The following CLNK variants were observed in gnomAD, a reference collection of about 807,000 sequenced individuals.
CLNK encodes the protein cytokine dependent hematopoietic cell linker.
CLNK carries 74 observed loss-of-function variants against 68.6 expected under a neutral mutation model. The observed-to-expected ratio is 1.08, with a 90% CI of 0.89 to 1.31. The LOEUF (loss-of-function observed/expected upper bound fraction) is 1.31, where lower values mean the gene tolerates loss of function less well. CLNK is among the 50% of genes most tolerant of loss of function. CLNK has a pLI of 0.00. For missense variants in CLNK, 553 were observed against 515.3 expected, an observed-to-expected ratio of 1.07 and a Z score of -0.71; for synonymous variants, 198 against 172.2, an observed-to-expected ratio of 1.15 and a Z score of -1.17.
intron 3 of CLNK, among the ~76,000 whole-genome samples, chr4:10,597,747 G>A (rs1230775882): frequency 6.6e-6 from 1 of 152,108 alleles, no homozygotes; most frequent in East Asian, 1.9e-4. Context: ...AAGAGGCCTG[G>A]CCTGCAGAGC....
chr4:10,732,234 T>G, the CLNK span, among the ~76,000 whole-genome samples: 1 of 152,316 alleles, frequency 6.6e-6, no homozygotes, highest in South Asian at 2.1e-4. Context: ...TCATAAAATG[T>G]CTGAAAATTT....
intron 2 of CLNK, among the ~76,000 whole-genome samples, chr4:10,666,637 C>A (rs939085688): frequency 6.6e-6 from 1 of 152,224 alleles, no homozygotes; most frequent in Non-Finnish European, 1.5e-5. Flanking sequence ...GCTAGTAATA[C>A]CTGCCACCCA....
At chr4:10,534,050 T>G (rs558011885) in intron 11 of CLNK, among the ~76,000 whole-genome samples, 319 of 152,202 alleles carry the variant, frequency 2.1e-3, no homozygotes, top group Non-Finnish European at 3.6e-3. Context: ...TTTACTAAGA[T>G]TCTTTAACCT....
At chr4:10,583,377 C>G (rs952186297) in intron 4 of CLNK, among the ~76,000 whole-genome samples, 6 of 152,120 alleles carry the variant, frequency 3.9e-5, no homozygotes, top group African/African-American at 7.2e-5. Context: ...ACCTCCATCT[C>G]CCGGGTTCAA....
intron 7 of CLNK, among the ~76,000 whole-genome samples, 162 bp from the exon 8 acceptor site, chr4:10,558,614 C>T (rs1161764870): frequency 6.6e-6 from 1 of 152,172 alleles, no homozygotes; most frequent in Non-Finnish European, 1.5e-5. Context: ...TGTATAAATA[C>T]ATGCACCTCT....
At chr4:10,730,012 T>C in the CLNK span, among the ~76,000 whole-genome samples, 7 of 152,288 alleles carry the variant, frequency 4.6e-5, no homozygotes, top group South Asian at 1.5e-3. Context: ...AACCTCTAAG[T>C]TTATCCAAAG....
At chr4:10,601,075 C>T (rs1189625746) in intron 2 of CLNK, among the ~76,000 whole-genome samples, 2 of 152,146 alleles carry the variant, frequency 1.3e-5, no homozygotes, top group Non-Finnish European at 2.9e-5. Context: ...TGTAGCAACC[C>T]TCAGTAGCGA....
rs68067128 is a variant in CLNK at position 10,677,837 on chromosome 4, C to CAATAAT, written c.-43+6825_-43+6830dup. 9.8e-4 allele frequency among the ~76,000 whole-genome samples: 146 copies of CAATAAT among 149,170 alleles called. 1 individual carries two copies. The highest frequency in any genetic ancestry group is 2.6e-3 in the African/African-American group (105 of 40,778). ...TGTGAAAATGGACTAATAAAAATAG[C>CAATAAT]AATAATAATAATAATAATAATAATA... On this transcript the variant is annotated intron_variant, in intron 1 of 18. Transcript: ENST00000226951.
At chr4:10,676,049 G>C (rs1247593114) in intron 1 of CLNK, among the ~76,000 whole-genome samples, 4 of 21,784 alleles carry the variant, frequency 1.8e-4, no homozygotes, top group Non-Finnish European at 4.4e-4. Flanking sequence ...CCAGAAGAGT[G>C]TGTGTGTGTG....
chr4:10,617,916 G>C (rs867143955), intron 2 of CLNK, among the ~76,000 whole-genome samples: 2 of 152,218 alleles, frequency 1.3e-5, no homozygotes, highest in South Asian at 2.1e-4. Context: ...TGAATCACTA[G>C]TGTTTTAGTT....
the CLNK span, among the ~76,000 whole-genome samples, chr4:10,719,767 A>C: frequency 1.4e-4 from 22 of 152,204 alleles, no homozygotes. Context: ...GCAGAATAAC[A>C]TTCTTCTCAA....
Position 10,571,984 on chromosome 4 carries a change from A to G in CLNK, c.113-206T>C, listed in dbSNP as rs539877252. On this transcript the variant is annotated intron_variant, in intron 4 of 18. Transcript: ENST00000226951. ...CAAAACAGGACAAAGAAACAGGAGA[A>G]AAGGAAGCAGAATTCAAATCAAACA... 2.6e-5 allele frequency among the ~76,000 whole-genome samples: 4 copies of G among 152,374 alleles called. No individual in the cohort carries two copies. The East Asian group carries it at 7.7e-4, about 29-fold the overall frequency.
At chr4:10,649,881 T>TA (rs539591777) in intron 2 of CLNK, among the ~76,000 whole-genome samples, 12,356 of 141,808 alleles carry the variant, frequency 0.087, 623 homozygotes, top group Non-Finnish European at 0.13. Flanking sequence ...GCAGACAAAA[T>TA]AAAAAAAAAA....
At chr4:10,667,533 C>A (rs1724447575) in intron 2 of CLNK, among the ~76,000 whole-genome samples, 1 of 152,052 alleles carries the variant, frequency 6.6e-6, no homozygotes, top group African/African-American at 2.4e-5. Context: ...GCACACAAAC[C>A]ACTGTCCTTT....
At chr4:10,683,966 A>T (rs1340722610) in intron 1 of CLNK, among the ~76,000 whole-genome samples, 1 of 152,238 alleles carries the variant, frequency 6.6e-6, no homozygotes, top group Non-Finnish European at 1.5e-5. Context: ...ATTGATAAAA[A>T]GTTCAGGCAT....
chr4:10,516,551 CTTTT>C (rs11322271), intron 15 of CLNK, among the ~76,000 whole-genome samples: 1 of 132,436 alleles, frequency 7.6e-6, no homozygotes. Flanking sequence ...AGGATTGTAG[CTTTT>C]TTTTTTTTTT....
At chr4:10,612,526 C>G (rs1325992134) in intron 2 of CLNK, among the ~76,000 whole-genome samples, 1 of 152,216 alleles carries the variant, frequency 6.6e-6, no homozygotes, top group East Asian at 1.9e-4. Context: ...AGCTGCACAA[C>G]AGTAAACACC....
At chr4:10,538,502 A>G (rs889348853) in intron 11 of CLNK, among the ~76,000 whole-genome samples, 1 of 152,174 alleles carries the variant, frequency 6.6e-6, no homozygotes, top group Non-Finnish European at 1.5e-5. Context: ...GTATTAGACT[A>G]TTTGGCCAGG....
At chr4:10,517,981 A>G (rs886417742) in intron 15 of CLNK, among the ~76,000 whole-genome samples, 1 of 148,634 alleles carries the variant, frequency 6.7e-6, no homozygotes, top group African/African-American at 2.5e-5. Context: ...TTTGTTTTAA[A>G]ATAATCAAAG....
Sources: gnomAD v4.1 joint callset for allele counts (sites outside exome capture counted in the v4.1 genomes callset) on GRCh38, gnomAD v4.1.1 for gene constraint, MANE v1.5 for transcripts, NCBI Gene and HGNC (gene_info 2026-07-23, HGNC 2026-07-21) for gene names.